The following C16orf74 variants were observed in gnomAD, a reference collection of about 807,000 sequenced individuals.
The protein encoded by C16orf74 is calcimembrin.
A neutral mutation model predicts 6.5 loss-of-function variants in C16orf74; 10 were observed. The observed-to-expected ratio is 1.54, with a 90% confidence interval of 0.95 to 2.61. C16orf74 has a LOEUF of 2.61. Among genes scored for constraint, C16orf74 ranks in the 30% most tolerant of loss-of-function variants. The pLI, the probability that C16orf74 is intolerant of heterozygous loss-of-function variation, is 0.00. For missense variants in C16orf74, 141 were observed against 105.9 expected (o/e 1.33, Z -1.45); for synonymous variants, 60 against 42.5 (o/e 1.41, Z -1.60).
intron 2 of C16orf74, among the ~76,000 whole-genome samples, chr16:85,717,093 C>T (rs2054032855): frequency 6.6e-6 from 1 of 152,228 alleles, no homozygotes; most frequent in Non-Finnish European, 1.5e-5. Context: ...GCCCTGACCC[C>T]CGCTCTGCGG....
chr16:85,719,319 T>C (rs555284080), intron 2 of C16orf74, among the ~76,000 whole-genome samples: 1 of 152,250 alleles, frequency 6.6e-6, no homozygotes, highest in Non-Finnish European at 1.5e-5. Flanking sequence ...CAGGCTCCAG[T>C]AGCAGGAATC....
intron 1 of C16orf74, among the ~76,000 whole-genome samples, chr16:85,749,247 C>T (rs996465228): frequency 3.9e-5 from 6 of 152,046 alleles, no homozygotes; most frequent in Non-Finnish European, 8.8e-5. Flanking sequence ...AGTGACTTTG[C>T]CTTTACAAGC....
intron 2 of C16orf74, among the ~76,000 whole-genome samples, chr16:85,724,644 G>T (rs942978252): frequency 6.6e-5 from 10 of 152,168 alleles, no homozygotes. Context: ...GAATGACGGG[G>T]ATGACGGGGA....
chr16:85,735,347 G>C (rs1250454003), intron 1 of C16orf74, 112 bp from the exon 2 acceptor site: 2 of 580,910 alleles, frequency 3.4e-6, no homozygotes, highest in Non-Finnish European at 5.6e-6. Context: ...GGAGGTTGTG[G>C]TGGAGAGAAA....
Position 85,710,214 on chromosome 16 carries a change from G to T in C16orf74, c.122C>A (p.Thr41Lys), listed in dbSNP as rs374680936. 4.0e-6 allele frequency: 6 copies of T among 1,499,484 alleles called. No homozygotes were observed. The highest frequency in any genetic ancestry group is 5.3e-6 in the Non-Finnish European group (6 of 1,136,062). The allele number at this position is 1,499,484 out of a possible 1,614,324, so 92.9% of individuals were successfully genotyped here. Residue 41 changes from threonine (T) to lysine (K), a missense_variant, in exon 3 of 4, where the codon ACG becomes AAG. Transcript: ENST00000284245. ...KHLDVPDIII[T>K]PPTPTGMMLP... is the part of the protein sequence containing the mutation. ...CATCATGCCCGTGGGGGTGGGGGGC[G>T]TGATGATGATGTCGGGCACGTCCAG...
At chr16:85,730,952 G>A (rs1219792652) in intron 2 of C16orf74, among the ~76,000 whole-genome samples, 1 of 151,748 alleles carries the variant, frequency 6.6e-6, no homozygotes. Flanking sequence ...TTAAAATGAT[G>A]TTTGGAATAT....
At chr16:85,729,454 T>C (rs975002946) in intron 2 of C16orf74, among the ~76,000 whole-genome samples, 1 of 152,166 alleles carries the variant, frequency 6.6e-6, no homozygotes, top group Admixed American at 6.5e-5. Flanking sequence ...ACCCTCTCAA[T>C]ATCTACCACC....
intron 2 of C16orf74, among the ~76,000 whole-genome samples, chr16:85,730,156 G>A (rs1409512300): frequency 3.9e-5 from 6 of 152,296 alleles, no homozygotes; most frequent in African/African-American, 1.4e-4. Context: ...GGTCAGAGCG[G>A]GTGAGATGAA....
chr16:85,747,222 A>G (rs2054384246), intron 1 of C16orf74, among the ~76,000 whole-genome samples: 1 of 152,192 alleles, frequency 6.6e-6, no homozygotes, highest in South Asian at 2.1e-4. Context: ...ATCAATAAAA[A>G]CATTTATCAA....
At chr16:85,712,484 G>A (rs572932663) in intron 2 of C16orf74, among the ~76,000 whole-genome samples, 1 of 152,132 alleles carries the variant, frequency 6.6e-6, no homozygotes, top group African/African-American at 2.4e-5. Flanking sequence ...GGCTTCTCAG[G>A]GTAACCTTTG....
intron 1 of C16orf74, among the ~76,000 whole-genome samples, chr16:85,735,875 T>A (rs1244730007): frequency 6.6e-6 from 1 of 152,136 alleles, no homozygotes; most frequent in Non-Finnish European, 1.5e-5. Context: ...GCGGGGCCCC[T>A]GCATGCTCTT....
rs559281311 is a variant in C16orf74, at chr16:85,751,003, G to C, written c.-96C>G. Reference sequence around the variant, plus strand: ...CCGCCCGGGCGCTGGTGGTGGTGGCGGCGGCGGTCGGGCTCGGGGGGCCGC... The same window carrying C: ...CCGCCCGGGCGCTGGTGGTGGTGGCCGCGGCGGTCGGGCTCGGGGGGCCGC... On this transcript the variant is annotated 5_prime_UTR_variant, in exon 1 of 4. Transcript: ENST00000284245. 1 of 149,964 alleles carries C rather than the reference G, an allele frequency of 6.7e-6. No individual in the cohort carries two copies. Among genetic ancestry groups the C allele is most frequent in the Non-Finnish European group, 1.5e-5 (1 of 67,350 alleles). 9.3% of individuals were successfully genotyped at this position (149,964 alleles called of 1,614,324 possible).
rs193117688 is a variant in C16orf74, at chr16:85,744,606, G to A, written c.-19+6320C>T. Reference sequence around the variant, plus strand: ...AGCACTTTGGGAGGCCAAGGCGGGCGGATCACGAGGTCAGGAGATCGAGAC... The same window carrying A: ...AGCACTTTGGGAGGCCAAGGCGGGCAGATCACGAGGTCAGGAGATCGAGAC... On this transcript the variant is annotated intron_variant, in intron 1 of 3. Transcript: ENST00000284245. 2.6e-3 allele frequency among the ~76,000 whole-genome samples: 395 copies of A among 152,178 alleles called. 4 individuals are homozygous for A. The highest frequency in any genetic ancestry group is 8.5e-3 in the African/African-American group (351 of 41,532).
chr16:85,735,679 T>C (rs2054236653), intron 1 of C16orf74, among the ~76,000 whole-genome samples: 2 of 141,784 alleles, frequency 1.4e-5, no homozygotes, highest in African/African-American at 5.1e-5. Flanking sequence ...CCTCCCGTTC[T>C]AATGCTTTTT....
intron 1 of C16orf74, among the ~76,000 whole-genome samples, chr16:85,742,447 C>T (rs2054319449): frequency 6.6e-6 from 1 of 152,208 alleles, no homozygotes; most frequent in South Asian, 2.1e-4. Flanking sequence ...ATCTCTGTGG[C>T]TCCCCTTCAC....
intron 1 of C16orf74, 127 bp downstream of exon 1, chr16:85,750,799 C>A (rs2054429216): frequency 6.6e-6 from 1 of 152,088 alleles, no homozygotes; most frequent in South Asian, 2.1e-4. Flanking sequence ...CCCACCGACC[C>A]CCGGGCCGCG....
At position 85,708,448 on chromosome 16, in the gene C16orf74, C is replaced by T. The variant is rs140809174; in HGVS notation, c.173-382G>A. Among the ~76,000 whole-genome samples, 89 of 152,240 alleles carry T rather than the reference C, an allele frequency of 5.8e-4. 1 individual carries two copies. The highest frequency in any genetic ancestry group is 1.9e-3 in the African/African-American group (79 of 41,528). The stretch of plus-strand genomic sequence containing the variant: ...CGAGCTAAGGACCTGCGCCTCTGTC[C>T]GCCCACACTGGGCTCTCTGATTAGA... On this transcript the variant is annotated intron_variant, in intron 3 of 3. Transcript: ENST00000284245.
At chr16:85,725,561 G>A (rs551413760) in intron 2 of C16orf74, among the ~76,000 whole-genome samples, 1 of 152,280 alleles carries the variant, frequency 6.6e-6, no homozygotes, top group Non-Finnish European at 1.5e-5. Context: ...TTAGACTCCT[G>A]GGCTAGAATG....
intron 2 of C16orf74, among the ~76,000 whole-genome samples, chr16:85,734,340 G>C (rs745557466): frequency 9.2e-5 from 14 of 152,152 alleles, no homozygotes; most frequent in Non-Finnish European, 1.6e-4. Context: ...TCTCACAGAG[G>C]CATTGGTGAG....
Sources: allele counts gnomAD v4.1 joint callset (sites outside exome capture counted in the v4.1 genomes callset), GRCh38; gene constraint gnomAD v4.1.1; transcripts MANE v1.5; gene names NCBI Gene and HGNC (gene_info 2026-07-23, HGNC 2026-07-21).